Variants in INSL6 observed in about 807,000 individuals in gnomAD.
The protein encoded by INSL6 is insulin like 6, also known as insulin-like peptide INSL6.
In INSL6, 16 loss-of-function variants were observed where a neutral mutation model predicts 9.4. That is an observed-to-expected ratio of 1.70 (90% CI 1.15 to 2.59). The LOEUF is 2.59. Ranked by LOEUF, INSL6 falls within the 30% of genes most tolerant of loss-of-function variation. INSL6 has a pLI of 0.00. For synonymous variants in INSL6, 154 were observed against 96.9 expected (o/e 1.59, Z -3.46); for missense variants, 391 against 257.3 (o/e 1.52, Z -3.56).
intron 1 of INSL6, among the ~76,000 whole-genome samples, chr9:5,172,836 G>A (rs1045849720): frequency 1.3e-5 from 2 of 152,026 alleles, no homozygotes; most frequent in African/African-American, 2.4e-5. Flanking sequence ...GCTGAGGCAG[G>A]AGAATTGCTT....
At chr9:5,010,481 C>T in the INSL6 span, among the ~76,000 whole-genome samples, 21 of 152,060 alleles carry the variant, frequency 1.4e-4, no homozygotes, top group East Asian at 2.1e-3. Flanking sequence ...CCACTATGCC[C>T]GGCTAATTTT....
intron 1 of INSL6, among the ~76,000 whole-genome samples, chr9:5,166,699 A>C (rs1187202646): frequency 2.6e-5 from 4 of 152,190 alleles, no homozygotes; most frequent in Non-Finnish European, 5.9e-5. Context: ...AAAAACACAG[A>C]TATGGGTGGT....
the INSL6 span, among the ~76,000 whole-genome samples, chr9:5,056,595 A>C: frequency 5.3e-5 from 8 of 152,238 alleles, no homozygotes; most frequent in South Asian, 4.1e-4. Flanking sequence ...GTAGACTGTG[A>C]GCCTTTTGAA....
At chr9:5,086,375 C>T in the INSL6 span, among the ~76,000 whole-genome samples, 7 of 142,826 alleles carry the variant, frequency 4.9e-5, no homozygotes, top group Middle Eastern at 3.5e-3. Flanking sequence ...ATTCCTTTTT[C>T]CTCCATGGTG....
chr9:5,042,020 C>T, the INSL6 span: 4 of 322,970 alleles, frequency 1.2e-5, no homozygotes, highest in East Asian at 9.0e-5. Flanking sequence ...CGGCCCAGGG[C>T]CAGACGCTGG....
chr9:5,073,353 C>T, the INSL6 span, among the ~76,000 whole-genome samples: 1 of 152,318 alleles, frequency 6.6e-6, no homozygotes, highest in East Asian at 1.9e-4. Flanking sequence ...CATCCATCTA[C>T]CTCAGTTTCC....
the INSL6 span, chr9:5,073,622 A>G: frequency 1.9e-6 from 2 of 1,065,220 alleles, no homozygotes; most frequent in African/African-American, 1.6e-5. Context: ...CATCTTTATT[A>G]TGGCAGAGAG....
intron 1 of INSL6, among the ~76,000 whole-genome samples, chr9:5,174,852 C>T (rs1285239519): frequency 1.3e-5 from 2 of 152,134 alleles, no homozygotes; most frequent in African/African-American, 2.4e-5. Context: ...TGTTCCACTT[C>T]GAGGCCTTTC....
At chr9:5,061,273 G>A in the INSL6 span, among the ~76,000 whole-genome samples, 2 of 151,964 alleles carry the variant, frequency 1.3e-5, no homozygotes, top group East Asian at 1.9e-4. Context: ...ATCCTTTGAA[G>A]TTTGAAGGCA....
chr9:5,166,451 A>G (rs1825053619), intron 1 of INSL6, among the ~76,000 whole-genome samples: 1 of 152,176 alleles, frequency 6.6e-6, no homozygotes. Flanking sequence ...TATCCAGACT[A>G]ATCAGGAACA....
the INSL6 span, among the ~76,000 whole-genome samples, chr9:5,002,285 T>C: frequency 6.6e-6 from 1 of 151,992 alleles, no homozygotes; most frequent in Non-Finnish European, 1.5e-5. Flanking sequence ...TTTATAGCTA[T>C]ACATTCTCTC....
At chr9:5,161,159 T>G (rs1216423544), downstream of INSL6, among the ~76,000 whole-genome samples, 1 of 152,178 alleles carries the variant, frequency 6.6e-6, no homozygotes, top group Non-Finnish European at 1.5e-5. Flanking sequence ...CCATTATCTT[T>G]GATGAACACT....
chr9:5,052,359 C>T, the INSL6 span, among the ~76,000 whole-genome samples: 30 of 152,174 alleles, frequency 2.0e-4, no homozygotes, highest in East Asian at 5.8e-3. Flanking sequence ...ATTCTTTTAA[C>T]TCATGCTCTT....
At chr9:5,016,093 CAGCCG>C in the INSL6 span, among the ~76,000 whole-genome samples, 996 of 152,250 alleles carry the variant, frequency 6.5e-3, 8 homozygotes, top group African/African-American at 0.022. Context: ...CTTTTACTGC[CAGCCG>C]TCGCTTCCCT....
At chr9:5,026,359 A>T in the INSL6 span, among the ~76,000 whole-genome samples, 1 of 152,244 alleles carries the variant, frequency 6.6e-6, no homozygotes, top group African/African-American at 2.4e-5. Flanking sequence ...GAATGCAAGT[A>T]TACTGTTTAA....
the INSL6 span, among the ~76,000 whole-genome samples, chr9:5,011,516 C>T: frequency 5.9e-5 from 9 of 152,190 alleles, no homozygotes; most frequent in Admixed American, 5.9e-4. Flanking sequence ...GTAGAGTTTA[C>T]ATATGGCTTC....
chr9:5,041,024 G>C, the INSL6 span: 1 of 669,534 alleles, frequency 1.5e-6, no homozygotes, highest in South Asian at 1.5e-5. Flanking sequence ...CTGCACCTGG[G>C]TACCGGTTCT....
the INSL6 span, among the ~76,000 whole-genome samples, chr9:5,042,223 C>T: frequency 3.3e-5 from 5 of 151,282 alleles, no homozygotes; most frequent in Non-Finnish European, 7.4e-5. Flanking sequence ...CTGCAAGCTC[C>T]GCCTCCCGGG....
At chr9:5,086,235 A>C in the INSL6 span, 1 of 597,700 alleles carries the variant, frequency 1.7e-6, no homozygotes, top group Non-Finnish European at 2.1e-6. Context: ...GGAGTCTGAA[A>C]GTCGCGGTAG....
Sources: allele counts gnomAD v4.1 joint callset (sites outside exome capture counted in the v4.1 genomes callset), GRCh38; gene constraint gnomAD v4.1.1; transcripts MANE v1.5; gene names NCBI Gene and HGNC (gene_info 2026-07-23, HGNC 2026-07-21).